The following WNT4 variants were observed in gnomAD, a reference collection of about 807,000 sequenced individuals.
WNT4 encodes Wnt family member 4.
In WNT4, 16 loss-of-function variants were observed where a neutral mutation model predicts 34.5. The ratio of observed to expected loss-of-function variants is 0.46; its 90% confidence interval spans 0.31 to 0.70. The LOEUF (loss-of-function observed/expected upper bound fraction) is 0.70. WNT4 is among the 30% of genes least tolerant of loss of function. The pLI, the probability that WNT4 is intolerant of heterozygous loss-of-function variation, is 0.04. For missense variants in WNT4, 379 were observed against 495.9 expected (o/e 0.76, Z 2.24); for synonymous variants, 200 against 211.9 (o/e 0.94, Z 0.49).
chr1:22,128,127 G>A (rs150943063), intron 2 of WNT4, among the ~76,000 whole-genome samples: 2 of 152,350 alleles, frequency 1.3e-5, no homozygotes, highest in East Asian at 3.9e-4. Flanking sequence ...GAGCAGCGAT[G>A]TTCAGCAATG....
chr1:22,142,503 G>A lies in WNT4; in HGVS notation c.77+343C>T, dbSNP rs1570124172. 2.0e-5 allele frequency among the ~76,000 whole-genome samples: 3 copies of A among 152,192 alleles called. 1 individual carries two copies. Among genetic ancestry groups the A allele is most frequent in the Admixed American group, 2.0e-4 (3 of 15,282 alleles). The stretch of plus-strand genomic sequence containing the variant: ...GGCTTCCTCAGCGACCTGTCAGCCC[G>A]GCTGGACTGCAACCCGCGTCCGGCG... On this transcript the variant is annotated intron_variant, in intron 1 of 4. Coordinates refer to ENST00000290167, the MANE Select transcript of WNT4 (RefSeq NM_030761.5). The surrounding 1 kb of genome is among the most constrained non-coding windows in gnomAD (Gnocchi z 6.0).
intron 1 of WNT4, among the ~76,000 whole-genome samples, chr1:22,136,622 G>A (rs906696718): frequency 2.0e-4 from 31 of 152,146 alleles, no homozygotes; most frequent in African/African-American, 7.5e-4. Context: ...GGGGGTACAG[G>A]GCTGCAGGGC....
Position 22,142,818 on chromosome 1 carries a change from C to A in WNT4, c.77+28G>T. The A allele has an allele frequency of 8.5e-7, 1 of 1,170,716 alleles. No homozygotes were observed. The highest frequency in any genetic ancestry group is 1.1e-6 in the Non-Finnish European group (1 of 924,504). The allele number at this position is 1,170,716 out of a possible 1,614,324, so 72.5% of individuals were successfully genotyped here. A position where few individuals can be genotyped will look rare whatever the true frequency, so the allele number is the denominator to read the frequency against. On this transcript the variant is annotated intron_variant, in intron 1 of 4. Transcript: ENST00000290167. This position sits in a 1 kb window ranked among gnomAD's most constrained non-coding sequence, Gnocchi z 6.0. ...CCCCGGGGCCTGCCCCGCCCCGCCC[C>A]GCCCCGCTCGGCCCCGGCCAGACTT...
chr1:22,136,112 C>T (rs1646019738), intron 1 of WNT4, among the ~76,000 whole-genome samples: 1 of 152,148 alleles, frequency 6.6e-6, no homozygotes, highest in African/African-American at 2.4e-5. Context: ...GTATGTATTC[C>T]CAGCGAGCTG....
chr1:22,129,500 G>T, intron 2 of WNT4, 116 bp downstream of exon 2: 1 of 1,275,314 alleles, frequency 7.8e-7, no homozygotes, highest in Non-Finnish European at 1.1e-6. Context: ...TCCTGTGCTG[G>T]TTTTGCTTCA....
Position 22,119,667 on chromosome 1 carries a change from A to G in WNT4, c.*383T>C, listed in dbSNP as rs549273989. ...CAAGTCGGTACCTATTTTCCCTGCC[A>G]TAAGGCCCCCTCTTCCCCGATGACA... On this transcript the variant is annotated 3_prime_UTR_variant, in exon 5 of 5. Coordinates refer to ENST00000290167, the MANE Select transcript of WNT4 (RefSeq NM_030761.5). 9.0e-6 allele frequency: 3 copies of G among 332,672 alleles called. No homozygotes were observed. Among genetic ancestry groups the G allele is most frequent in the African/African-American group, 4.2e-5 (2 of 47,274 alleles). 20.6% of individuals were successfully genotyped at this position (332,672 alleles called of 1,614,324 possible).
At chr1:22,127,814 A>C (rs1421149217) in intron 2 of WNT4, among the ~76,000 whole-genome samples, 1 of 152,228 alleles carries the variant, frequency 6.6e-6, no homozygotes, top group African/African-American at 2.4e-5. Flanking sequence ...GCCCAGAGGG[A>C]AGAGCTGAGA....
chr1:22,139,397 T>G lies in WNT4; in HGVS notation c.77+3449A>C, dbSNP rs568700626. Among the ~76,000 whole-genome samples, 1 of 152,296 alleles carries G rather than the reference T, an allele frequency of 6.6e-6. No individual in the cohort carries two copies. Among genetic ancestry groups the G allele is most frequent in the Non-Finnish European group, 1.5e-5 (1 of 68,018 alleles). Reference sequence around the variant, plus strand: ...ATTTTACAGATGAGAAACCCGAGGCTCGGAGAGGTTAATAACCTGTCCAAG... The same window carrying G: ...ATTTTACAGATGAGAAACCCGAGGCGCGGAGAGGTTAATAACCTGTCCAAG... On this transcript the variant is annotated intron_variant, in intron 1 of 4. Transcript: ENST00000290167. The surrounding 1 kb of genome is among the most constrained non-coding windows in gnomAD (Gnocchi z 4.6).
At position 22,119,651 on chromosome 1, in the gene WNT4, A is replaced by C. The variant is rs982721549; in HGVS notation, c.*399T>G. The C allele has an allele frequency of 6.4e-6, 2 of 312,132 alleles. No individual in the cohort carries two copies. Among genetic ancestry groups the C allele is most frequent in the Non-Finnish European group, 1.2e-5 (2 of 163,486 alleles). The allele number at this position is 312,132 out of a possible 1,614,324, so 19.3% of individuals were successfully genotyped here. A position where few individuals can be genotyped will look rare whatever the true frequency, so the allele number is the denominator to read the frequency against. ...AGGGTGTGACTTCCATCAAGTCGGT[A>C]CCTATTTTCCCTGCCATAAGGCCCC... On this transcript the variant is annotated 3_prime_UTR_variant, in exon 5 of 5. Coordinates refer to ENST00000290167, the MANE Select transcript of WNT4 (RefSeq NM_030761.5).
At position 22,121,551 on chromosome 1, in the gene WNT4, G is replaced by A. The variant is rs139045509; in HGVS notation, c.339C>T (p.Tyr113=). The change falls in exon 3 of 5, where the codon TAC becomes TAT. Residue 113 remains tyrosine, a synonymous_variant. Coordinates refer to ENST00000290167, the MANE Select transcript of WNT4 (RefSeq NM_030761.5). ...TQGTREAAFV[Y]AISSAGVAFA... ...AGGCCACACCTGCCGAAGAGATGGCGTACACGAAGGCCGCCTCCCGAGTCC... is the reference window on the plus strand; with the variant it reads ...AGGCCACACCTGCCGAAGAGATGGCATACACGAAGGCCGCCTCCCGAGTCC... The A allele has an allele frequency of 9.7e-5, 156 of 1,613,758 alleles. No homozygotes were observed. In the African/African-American group the frequency reaches 1.4e-3, roughly 14 times the overall value.
At chr1:22,138,439 C>T (rs1468032566) in intron 1 of WNT4, among the ~76,000 whole-genome samples, 1 of 151,946 alleles carries the variant, frequency 6.6e-6, no homozygotes, top group Admixed American at 6.6e-5. Flanking sequence ...AGTCTGCAGA[C>T]ATTTTGTCCT....
At chr1:22,131,434 G>A (rs543415630) in intron 1 of WNT4, among the ~76,000 whole-genome samples, 11 of 152,340 alleles carry the variant, frequency 7.2e-5, no homozygotes, top group Admixed American at 7.2e-4. Context: ...TGGGAGGCTA[G>A]GTGGGCACTG....
intron 1 of WNT4, among the ~76,000 whole-genome samples, chr1:22,138,885 G>C (rs1391445125): frequency 1.3e-5 from 2 of 152,200 alleles, no homozygotes; most frequent in Non-Finnish European, 2.9e-5. Context: ...CGGCCCCCGG[G>C]CAAGCAGGCT....
In WNT4 at chr1:22,117,863, G is replaced by A. The variant is rs978494098; in HGVS notation, c.*2187C>T. The A allele has an allele frequency of 1.3e-5, 2 of 152,266 alleles. No homozygotes were observed. Among genetic ancestry groups the A allele is most frequent in the African/African-American group, 4.8e-5 (2 of 41,432 alleles). 9.4% of individuals were successfully genotyped at this position (152,266 alleles called of 1,614,324 possible). A position where few individuals can be genotyped will look rare whatever the true frequency, so the allele number is the denominator to read the frequency against. On this transcript the variant is annotated 3_prime_UTR_variant, in exon 5 of 5. Transcript: ENST00000290167. ...TCAGCTCTTTCCTCTGGGAGGGGAG[G>A]GGTCCTCATTGTTCCCTCTTTCTGG...
intron 1 of WNT4, among the ~76,000 whole-genome samples, chr1:22,141,413 G>T (rs1646065593): frequency 6.6e-6 from 1 of 152,036 alleles, no homozygotes; most frequent in Non-Finnish European, 1.5e-5. Flanking sequence ...GGACACCCAG[G>T]GTCCTCCAAG....
At chr1:22,121,603 C>G in intron 2 of WNT4, 27 bp from the exon 3 acceptor site, 1 of 1,609,486 alleles carries the variant, frequency 6.2e-7, no homozygotes, top group African/African-American at 1.3e-5. Flanking sequence ...GAGGGCAGAG[C>G]TGGGTCCCAG....
intron 2 of WNT4, among the ~76,000 whole-genome samples, chr1:22,123,136 A>G (rs1275001955): frequency 6.6e-6 from 1 of 152,196 alleles, no homozygotes; most frequent in African/African-American, 2.4e-5. Flanking sequence ...AACCAGCACA[A>G]ATCTTTGCCC....
intron 1 of WNT4, among the ~76,000 whole-genome samples, chr1:22,132,230 T>G (rs2124123218): frequency 6.6e-6 from 1 of 152,320 alleles, no homozygotes; most frequent in Non-Finnish European, 1.5e-5. Context: ...GGGGCCCTGT[T>G]TGCTCTATGA....
In WNT4 at chr1:22,129,608, T is replaced by G. The variant is rs1337428614; in HGVS notation, c.313+8A>C. 1 of 1,611,424 alleles carries G rather than the reference T, an allele frequency of 6.2e-7. No individual in the cohort carries two copies. The highest frequency in any genetic ancestry group is 1.1e-5 in the South Asian group (1 of 90,908). Reference sequence around the variant, plus strand: ...GCTCCCCTGCAGCCCCGCACGCCCTTCCCTCACCTTGCGTCACCACCTTGC... The same window carrying G: ...GCTCCCCTGCAGCCCCGCACGCCCTGCCCTCACCTTGCGTCACCACCTTGC... On this transcript the variant is annotated splice_region_variant and intron_variant, in intron 2 of 4. Transcript: ENST00000290167.
Sources: gnomAD v4.1 joint callset for allele counts (sites outside exome capture counted in the v4.1 genomes callset) on GRCh38, gnomAD v4.1.1 for gene constraint, Gnocchi (gnomAD v3.1) non-coding constraint, MANE v1.5 for transcripts, NCBI Gene and HGNC (gene_info 2026-07-23, HGNC 2026-07-21) for gene names.